The following AAMDC variants were observed in gnomAD, a reference collection of about 807,000 sequenced individuals.
The protein encoded by AAMDC is adipogenesis associated Mth938 domain containing.
In AAMDC, 16 loss-of-function variants were observed where a neutral mutation model predicts 15.5. The observed-to-expected ratio is 1.03, with a 90% CI of 0.70 to 1.57. AAMDC has a LOEUF of 1.57. AAMDC is among the 40% of genes most tolerant of loss of function. AAMDC has a pLI of 0.00. For synonymous variants in AAMDC, 51 were observed against 51.6 expected, an observed-to-expected ratio of 0.99 and a Z score of 0.05; for missense variants, 141 against 144.9, an observed-to-expected ratio of 0.97 and a Z score of 0.14.
At chr11:77,859,742 T>C (rs777634890) in intron 2 of AAMDC, among the ~76,000 whole-genome samples, 5 of 152,214 alleles carry the variant, frequency 3.3e-5, no homozygotes, top group African/African-American at 4.8e-5. Flanking sequence ...TCAAGTGGCA[T>C]AGGTTTGAGC....
At chr11:77,872,778 T>G (rs998833152), downstream of AAMDC, among the ~76,000 whole-genome samples, 6 of 152,112 alleles carry the variant, frequency 3.9e-5, no homozygotes, top group African/African-American at 1.4e-4. Context: ...TGAAACCCCA[T>G]CTCTATTAAA....
intron 5 of AAMDC, chr11:77,891,869 C>G (rs1397419930): frequency 6.2e-7 from 1 of 1,610,234 alleles, no homozygotes; most frequent in South Asian, 1.1e-5. Flanking sequence ...GCAACTGACT[C>G]ATTCAACTGT....
intron 5 of AAMDC, chr11:77,894,474 A>G: frequency 1.8e-6 from 1 of 550,946 alleles, no homozygotes. Flanking sequence ...AATGATCTCT[A>G]AAAGTAACAG....
intron 2 of AAMDC, among the ~76,000 whole-genome samples, chr11:77,863,965 C>T (rs997090047): frequency 1.3e-5 from 2 of 151,056 alleles, no homozygotes; most frequent in African/African-American, 2.4e-5. Context: ...TCACTCTTTT[C>T]GCCCAGGCTG....
chr11:77,875,816 G>A (rs142319896), downstream of AAMDC, among the ~76,000 whole-genome samples: 444 of 152,288 alleles, frequency 2.9e-3, 2 homozygotes, highest in African/African-American at 0.01. Context: ...GACAGTCTGA[G>A]GAGCACATTC....
At chr11:77,868,733 G>T in intron 2 of AAMDC, 1 of 229,734 alleles carries the variant, frequency 4.4e-6, no homozygotes. Flanking sequence ...AATTCACAGG[G>T]AATAGGCTCC....
At chr11:77,892,676 G>T (rs202072995) in intron 5 of AAMDC, among the ~76,000 whole-genome samples, 1 of 151,970 alleles carries the variant, frequency 6.6e-6, no homozygotes, top group African/African-American at 2.4e-5. Context: ...TCCGCCTCCC[G>T]GGTTCAAGCA....
chr11:77,888,026 C>A (rs1004275685), intron 5 of AAMDC, among the ~76,000 whole-genome samples: 2 of 152,146 alleles, frequency 1.3e-5, no homozygotes. Flanking sequence ...TCAATGCCAT[C>A]CCCATCAAGC....
chr11:77,832,991 G>A (rs1246324990), intron 1 of AAMDC, among the ~76,000 whole-genome samples: 3,430 of 32,788 alleles, frequency 0.1, 425 homozygotes, highest in African/African-American at 0.28. Context: ...GTGTGTGTGT[G>A]TGTGTGTATA....
chr11:77,853,467 TTCAC>T (rs963022453), intron 2 of AAMDC, among the ~76,000 whole-genome samples: 3 of 151,858 alleles, frequency 2.0e-5, no homozygotes, highest in Admixed American at 1.3e-4. Flanking sequence ...CTCATGAGAA[TTCAC>T]TCACTATCAC....
In AAMDC at chr11:77,872,343, T is replaced by C. The variant is rs766966230; in HGVS notation, c.*28T>C. 6 of 1,595,902 alleles carry C rather than the reference T, an allele frequency of 3.8e-6. No homozygotes were observed. The highest frequency in any genetic ancestry group is 1.1e-5 in the South Asian group (1 of 87,736). ...GAGCCTTAAGAGGAGAATAAATCACTAAGTGCCTATGCCTGTGACTGTCAC... is the reference window on the plus strand; with the variant it reads ...GAGCCTTAAGAGGAGAATAAATCACCAAGTGCCTATGCCTGTGACTGTCAC... On this transcript the variant is annotated 3_prime_UTR_variant, in exon 4 of 4. Transcript: ENST00000393427.
At chr11:77,839,740 G>A (rs1283554074) in intron 1 of AAMDC, among the ~76,000 whole-genome samples, 1 of 152,090 alleles carries the variant, frequency 6.6e-6, no homozygotes, top group Non-Finnish European at 1.5e-5. Context: ...AACAGCACAT[G>A]TTCTCACTTA....
intron 2 of AAMDC, among the ~76,000 whole-genome samples, chr11:77,867,651 C>T (rs1951178603): frequency 6.6e-6 from 1 of 152,198 alleles, no homozygotes; most frequent in African/African-American, 2.4e-5. Flanking sequence ...AAGCATTGTC[C>T]TTGTGCAGAA....
chr11:77,901,233 C>T, downstream of AAMDC: 1 of 675,464 alleles, frequency 1.5e-6, no homozygotes, highest in Non-Finnish European at 2.6e-6. Flanking sequence ...AATTGGATTT[C>T]CAAGGGTCTA....
chr11:77,844,291 T>A (rs1387198675), intron 2 of AAMDC, among the ~76,000 whole-genome samples: 3 of 152,180 alleles, frequency 2.0e-5, no homozygotes, highest in African/African-American at 7.2e-5. Flanking sequence ...GATTAGAGTT[T>A]CAATATATAC....
intron 1 of AAMDC, among the ~76,000 whole-genome samples, chr11:77,839,727 CTG>C (rs1179022027): frequency 6.6e-6 from 1 of 152,072 alleles, no homozygotes; most frequent in Admixed American, 6.6e-5. Context: ...GAACAGAAAA[CTG>C]AACAGCACAT....
chr11:77,871,914 T>C lies in AAMDC; in HGVS notation c.229-261T>C, dbSNP rs575340136. On this transcript the variant is annotated intron_variant, in intron 3 of 3. Coordinates refer to ENST00000393427, the MANE Select transcript of AAMDC (RefSeq NM_024684.4). ...GTTACAGTGCTAGTAAGGATGTAAATCCAAGGCTAACTGCAAATCCCATGT... is the reference window on the plus strand; with the variant it reads ...GTTACAGTGCTAGTAAGGATGTAAACCCAAGGCTAACTGCAAATCCCATGT... Among the ~76,000 whole-genome samples the C allele has an allele frequency of 3.5e-4, 54 of 152,310 alleles. 2 individuals carry two copies. In the South Asian group the frequency reaches 0.011, roughly 30 times the overall value.
chr11:77,844,871 T>G (rs1950077261), intron 2 of AAMDC, among the ~76,000 whole-genome samples: 1 of 152,190 alleles, frequency 6.6e-6, no homozygotes, highest in Admixed American at 6.5e-5. Flanking sequence ...GAAGAATAGT[T>G]TGTTGGATAT....
intron 5 of AAMDC, among the ~76,000 whole-genome samples, chr11:77,895,527 GAAAAA>G (rs71046921): frequency 1.0e-4 from 4 of 39,258 alleles, no homozygotes; most frequent in South Asian, 1.4e-3. Context: ...TTCTTTTCCT[GAAAAA>G]AAAAAAAAAA....
Sources: allele counts gnomAD v4.1 joint callset (sites outside exome capture counted in the v4.1 genomes callset), GRCh38; gene constraint gnomAD v4.1.1; transcripts MANE v1.5; gene names NCBI Gene and HGNC (gene_info 2026-07-23, HGNC 2026-07-21).